The following DNAJC6 variants were observed in gnomAD, a reference collection of about 807,000 sequenced individuals.
DNAJC6 encodes DnaJ heat shock protein family (Hsp40) member C6.
A neutral mutation model predicts 110.0 loss-of-function variants in DNAJC6; 34 were observed. That is an observed-to-expected ratio of 0.31 (90% CI 0.24 to 0.41). DNAJC6 has a LOEUF of 0.41. Among genes scored for constraint, DNAJC6 ranks in the 10% least tolerant of loss-of-function variants. The probability of loss-of-function intolerance (pLI) is 1.00; values close to 1 mark genes in which losing one functional copy is unlikely to be tolerated. For missense variants in DNAJC6, 1,031 were observed against 1,207.8 expected, an observed-to-expected ratio of 0.85 and a Z score of 2.17; for synonymous variants, 406 against 437.2, an observed-to-expected ratio of 0.93 and a Z score of 0.89.
intron 1 of DNAJC6, among the ~76,000 whole-genome samples, chr1:65,356,790 A>C (rs1326443075): frequency 6.6e-6 from 1 of 151,964 alleles, no homozygotes; most frequent in Non-Finnish European, 1.5e-5. Flanking sequence ...AGAGGAGTAA[A>C]ATGACATACT....
intron 1 of DNAJC6, among the ~76,000 whole-genome samples, chr1:65,281,753 C>T (rs1157180201): frequency 1.3e-5 from 2 of 151,848 alleles, no homozygotes; most frequent in African/African-American, 2.4e-5. Flanking sequence ...GGACTACAGG[C>T]GCCAGCCACC....
chr1:65,395,422 A>G (rs1171103193), intron 13 of DNAJC6, among the ~76,000 whole-genome samples: 9 of 152,214 alleles, frequency 5.9e-5, no homozygotes, highest in African/African-American at 1.9e-4. Flanking sequence ...ATGTGGGAAA[A>G]TATGTCTTAA....
intron 1 of DNAJC6, among the ~76,000 whole-genome samples, chr1:65,329,675 T>A (rs1169588441): frequency 6.6e-6 from 1 of 152,172 alleles, no homozygotes; most frequent in Non-Finnish European, 1.5e-5. Flanking sequence ...TTTTGCTCTG[T>A]CTGCAAGAAG....
At chr1:65,397,932 G>C (rs141061644) in intron 13 of DNAJC6, among the ~76,000 whole-genome samples, 1 of 151,980 alleles carries the variant, frequency 6.6e-6, no homozygotes, top group African/African-American at 2.4e-5. Context: ...GTGTGTGTGC[G>C]TGTGTGTGTG....
intron 1 of DNAJC6, among the ~76,000 whole-genome samples, chr1:65,342,452 C>T (rs1645397428): frequency 6.6e-6 from 1 of 152,154 alleles, no homozygotes; most frequent in Admixed American, 6.5e-5. Context: ...AGATGGCCTT[C>T]TACGAATAAA....
At chr1:65,321,714 T>G (rs192899060) in intron 1 of DNAJC6, among the ~76,000 whole-genome samples, 9 of 152,250 alleles carry the variant, frequency 5.9e-5, no homozygotes, top group Non-Finnish European at 1.2e-4. Context: ...TAACAAAATG[T>G]TTTTGAGAGA....
chr1:65,380,916 G>GTTTTTTTTTTTT lies in DNAJC6; in HGVS notation c.666+1396_666+1397insTTTTTTTTTTTT, dbSNP rs796797174. Among the ~76,000 whole-genome samples, 91 of 93,514 alleles carry GTTTTTTTTTTTT rather than the reference G, an allele frequency of 9.7e-4. 9 individuals carry two copies. The highest frequency in any genetic ancestry group is 3.5e-3 in the African/African-American group (52 of 15,046). The allele number at this position is 93,514 out of a possible 152,430, so 61.3% of individuals were successfully genotyped here. ...TTTTTTTTTTTTTGTTTTTTGTTTTGTTTTGTTTTTTTTTTTTTTTTGGGA... is the reference window on the plus strand; with the variant it reads ...TTTTTTTTTTTTTGTTTTTTGTTTTGTTTTTTTTTTTTTTTTGTTTTTTTTTTTTTTTTGGGA... On this transcript the variant is annotated intron_variant, in intron 5 of 18. Coordinates refer to ENST00000371069, the MANE Select transcript of DNAJC6 (RefSeq NM_001256864.2).
intron 1 of DNAJC6, among the ~76,000 whole-genome samples, chr1:65,324,580 A>G (rs1005527164): frequency 3.9e-5 from 6 of 152,080 alleles, no homozygotes; most frequent in Admixed American, 1.3e-4. Context: ...GCATGTCTCA[A>G]ACTCCTGAGG....
intron 1 of DNAJC6, among the ~76,000 whole-genome samples, chr1:65,269,299 C>T (rs944024406): frequency 5.3e-5 from 8 of 150,186 alleles, no homozygotes; most frequent in African/African-American, 7.4e-5. Flanking sequence ...ACCTGGGAGG[C>T]GGAGGTTTCA....
Position 65,311,221 on chromosome 1 carries a change from T to TG in DNAJC6, c.193+1283_193+1284insG, listed in dbSNP as rs1645097024. 2.3e-5 allele frequency among the ~76,000 whole-genome samples: 3 copies of TG among 130,768 alleles called. 1 individual carries two copies. The South Asian group carries it at 8.4e-4, about 37-fold the overall frequency. 85.8% of individuals were successfully genotyped at this position (130,768 alleles called of 152,430 possible). A position where few individuals can be genotyped will look rare whatever the true frequency, so the allele number is the denominator to read the frequency against. Reference sequence around the variant, plus strand: ...GATTGATGGTTTCAGGACTGTTTTTTTTTTTTTTTTTTTTTTTTTTTGAGG... The same window carrying TG: ...GATTGATGGTTTCAGGACTGTTTTTTGTTTTTTTTTTTTTTTTTTTTTGAGG... On this transcript the variant is annotated intron_variant, in intron 1 of 18. Transcript: ENST00000371069.
At chr1:65,317,027 C>T (rs1307410660) in intron 1 of DNAJC6, among the ~76,000 whole-genome samples, 1 of 151,778 alleles carries the variant, frequency 6.6e-6, no homozygotes, top group South Asian at 2.1e-4. Flanking sequence ...ATTTCTTAAT[C>T]GGTGTCATTA....
At chr1:65,288,466 A>G (rs1483976560) in intron 1 of DNAJC6, among the ~76,000 whole-genome samples, 2 of 152,222 alleles carry the variant, frequency 1.3e-5, no homozygotes, top group Admixed American at 1.3e-4. Context: ...CAGAATTCTT[A>G]GGAGATGAAC....
chr1:65,358,190 A>C (rs554983716), intron 1 of DNAJC6, among the ~76,000 whole-genome samples: 2,951 of 151,444 alleles, frequency 0.019, 116 homozygotes, highest in African/African-American at 0.068. Flanking sequence ...AAAAAAAAAA[A>C]AAAAAAAAAA....
intron 1 of DNAJC6, among the ~76,000 whole-genome samples, chr1:65,302,205 ATATAT>A (rs1317531993): frequency 6.4e-4 from 91 of 142,480 alleles, no homozygotes; most frequent in Non-Finnish European, 1.2e-3. Context: ...ATATACATTA[ATATAT>A]TATATCAATA....
At chr1:65,408,270 T>C (rs1024754688) in intron 16 of DNAJC6, among the ~76,000 whole-genome samples, 1 of 152,148 alleles carries the variant, frequency 6.6e-6, no homozygotes, top group Non-Finnish European at 1.5e-5. Context: ...AGAGAAGTGG[T>C]AGCATGCATG....
chr1:65,370,929 G>A (rs1645699403), intron 4 of DNAJC6, among the ~76,000 whole-genome samples: 1 of 152,206 alleles, frequency 6.6e-6, no homozygotes, highest in Admixed American at 6.5e-5. Context: ...TGGCTGGAGT[G>A]GGAGAAGTTT....
rs68183979 is a variant in DNAJC6 at position 65,415,449 on chromosome 1, A to AACACACACACAC, written c.*2450_*2461dup. On this transcript the variant is annotated 3_prime_UTR_variant, in exon 19 of 19. Coordinates refer to ENST00000371069, the MANE Select transcript of DNAJC6 (RefSeq NM_001256864.2). The stretch of plus-strand genomic sequence containing the variant: ...ATTTATACGTAATCACTCCTGCCCC[A>AACACACACACAC]ACACACACACACACACACACACACA... 80 of 144,522 alleles carry AACACACACACAC rather than the reference A, an allele frequency of 5.5e-4. No individual in the cohort carries two copies. The highest frequency in any genetic ancestry group is 1.6e-3 in the African/African-American group (63 of 39,042). The allele number at this position is 144,522 out of a possible 1,614,324, so 9.0% of individuals were successfully genotyped here. A position where few individuals can be genotyped will look rare whatever the true frequency, so the allele number is the denominator to read the frequency against.
At chr1:65,391,325 T>G (rs901083425) in intron 11 of DNAJC6, among the ~76,000 whole-genome samples, 1 of 152,166 alleles carries the variant, frequency 6.6e-6, no homozygotes, top group Admixed American at 6.5e-5. Context: ...GAATAAAGGA[T>G]GTGGATCCAT....
chr1:65,413,732 G>A lies in DNAJC6; in HGVS notation c.*707G>A, dbSNP rs1646148874. On this transcript the variant is annotated 3_prime_UTR_variant, in exon 19 of 19. Transcript: ENST00000371069. ...GAAGATGTCGAAATCTTTATTCCTG[G>A]TTAGGAAGGTGGGCCGCTACCCTTC... is the stretch of plus-strand genomic sequence containing the variant. 6.6e-6 allele frequency: 1 copy of A among 152,166 alleles called. No homozygotes were observed. Among genetic ancestry groups the A allele is most frequent in the Non-Finnish European group, 1.5e-5 (1 of 68,032 alleles). The allele number at this position is 152,166 out of a possible 1,614,324, so 9.4% of individuals were successfully genotyped here. A position where few individuals can be genotyped will look rare whatever the true frequency, so the allele number is the denominator to read the frequency against.
Sources: allele counts gnomAD v4.1 joint callset (sites outside exome capture counted in the v4.1 genomes callset), GRCh38; gene constraint gnomAD v4.1.1; transcripts MANE v1.5; gene names NCBI Gene and HGNC (gene_info 2026-07-23, HGNC 2026-07-21).